Variants in ABI3BP observed in about 807,000 individuals in gnomAD.
The protein encoded by ABI3BP is ABI family member 3 binding protein, also known as target of Nesh-SH3.
ABI3BP carries 216 observed loss-of-function variants against 268.6 expected under a neutral mutation model. The ratio of observed to expected loss-of-function variants is 0.80; its 90% CI spans 0.72 to 0.90. The LOEUF is 0.90. ABI3BP is among the 40% of genes least tolerant of loss of function. The pLI is 0.00. For missense variants in ABI3BP, 2,090 were observed against 2,182.4 expected (o/e 0.96, Z 0.84); for synonymous variants, 730 against 730.0 (o/e 1.00, Z 0.00).
intron 28 of ABI3BP, 62 bp from the exon 29 acceptor site, chr3:100,834,835 C>T: frequency 2.1e-6 from 3 of 1,457,712 alleles, no homozygotes; most frequent in Non-Finnish European, 2.8e-6. Flanking sequence ...AAGGATTACA[C>T]ATGGTTCTAG....
chr3:100,755,016 A>G (rs1440262698), intron 63 of ABI3BP, among the ~76,000 whole-genome samples: 1 of 152,220 alleles, frequency 6.6e-6, no homozygotes, highest in African/African-American at 2.4e-5. Flanking sequence ...AATTCCAGTA[A>G]CAAGGAGCCT....
intron 51 of ABI3BP, among the ~76,000 whole-genome samples, chr3:100,797,562 G>GTTTTTTTTTTTTTT (rs575648416): frequency 7.7e-6 from 1 of 129,658 alleles, no homozygotes; most frequent in Non-Finnish European, 1.7e-5. Flanking sequence ...TGAAGAAACT[G>GTTTTTTTTTTTTTT]TTTTTTTTTT....
Position 100,793,205 on chromosome 3 carries a change from T to C in ABI3BP, c.3947-437A>G, listed in dbSNP as rs183915530. On this transcript the variant is annotated intron_variant, in intron 54 of 67. Transcript: ENST00000471714. ...ATATTTACATCACATAAAACAAATA[T>C]TCTATTTTTCTCATGTGAAAATCAG... 3.8e-3 allele frequency among the ~76,000 whole-genome samples: 581 copies of C among 152,084 alleles called. 2 individuals carry two copies. Among genetic ancestry groups the C allele is most frequent in the Non-Finnish European group, 6.9e-3 (472 of 67,924 alleles).
rs1293688816 is a variant in ABI3BP, at chr3:100,992,530, G to A, written c.79+776C>T. On this transcript the variant is annotated intron_variant, in intron 1 of 67. Coordinates refer to ENST00000471714, the MANE Select transcript of ABI3BP (RefSeq NM_001375547.2). ...CATAAAAAGCCTTCACAGACCTAGA[G>A]TTGGCTTAGAGAAGTGCCTCTGCAG... 2.6e-5 allele frequency among the ~76,000 whole-genome samples: 4 copies of A among 152,328 alleles called. No individual in the cohort carries two copies. In the East Asian group the frequency reaches 7.7e-4, roughly 29 times the overall value.
intron 10 of ABI3BP, among the ~76,000 whole-genome samples, chr3:100,866,382 G>A (rs60134476): frequency 0.043 from 6,495 of 152,244 alleles, 414 homozygotes; most frequent in East Asian, 0.15. Flanking sequence ...TTAATTCTTT[G>A]AAGGATTGTT....
At chr3:100,969,918 A>G (rs2082850995) in intron 1 of ABI3BP, among the ~76,000 whole-genome samples, 1 of 152,224 alleles carries the variant, frequency 6.6e-6, no homozygotes, top group Non-Finnish European at 1.5e-5. Context: ...AACAAGCTAC[A>G]CATATTCTAC....
chr3:100,944,503 G>A (rs2071150161), intron 1 of ABI3BP, among the ~76,000 whole-genome samples: 1 of 152,022 alleles, frequency 6.6e-6, no homozygotes, highest in African/African-American at 2.4e-5. Context: ...TATTTCTATT[G>A]CAAAACACTG....
intron 4 of ABI3BP, among the ~76,000 whole-genome samples, chr3:100,891,881 G>T (rs1269995901): frequency 6.6e-6 from 1 of 152,222 alleles, no homozygotes; most frequent in Non-Finnish European, 1.5e-5. Context: ...AGGTAGACAT[G>T]CATATGTGTA....
intron 4 of ABI3BP, among the ~76,000 whole-genome samples, chr3:100,894,706 A>G (rs372347883): frequency 9.9e-5 from 15 of 151,946 alleles, no homozygotes; most frequent in Non-Finnish European, 1.8e-4. Context: ...TTGGGAGGCC[A>G]AGGAGGGCAG....
intron 60 of ABI3BP, 58 bp downstream of exon 60, chr3:100,775,149 T>G: frequency 6.3e-7 from 1 of 1,576,824 alleles, no homozygotes; most frequent in East Asian, 2.3e-5. Context: ...CCACCAACAT[T>G]TAAAATCTTT....
chr3:100,811,940 A>G, intron 46 of ABI3BP, 141 bp from the exon 47 acceptor site: 1 of 666,542 alleles, frequency 1.5e-6, no homozygotes, highest in South Asian at 2.1e-5. Flanking sequence ...TAGGTAGATT[A>G]TGAAGATGAC....
At chr3:100,807,709 A>G (rs2097753270) in intron 50 of ABI3BP, among the ~76,000 whole-genome samples, 1 of 151,964 alleles carries the variant, frequency 6.6e-6, no homozygotes, top group Non-Finnish European at 1.5e-5. Flanking sequence ...TCCCCAGACT[A>G]GATTAGTGGT....
chr3:100,930,829 A>T (rs61491231), intron 1 of ABI3BP: 1 of 152,074 alleles, frequency 6.6e-6, no homozygotes. Context: ...GGACTCCTCC[A>T]TAACTCATTC....
rs538142836 is a variant in ABI3BP, at chr3:100,817,820, G to T, written c.3089-325C>A. 1.9e-4 allele frequency among the ~76,000 whole-genome samples: 29 copies of T among 152,306 alleles called. No individual in the cohort carries two copies. In the South Asian group the frequency reaches 5.8e-3, roughly 30 times the overall value. On this transcript the variant is annotated intron_variant, in intron 41 of 67. Coordinates refer to ENST00000471714, the MANE Select transcript of ABI3BP (RefSeq NM_001375547.2). ...ACTGTATTGAAAAAGGCGTTTATCA[G>T]TCTACTTGCACTTCTATAGAAGTTG...
At chr3:100,920,118 T>C (rs544581720) in intron 2 of ABI3BP, among the ~76,000 whole-genome samples, 45 of 152,318 alleles carry the variant, frequency 3.0e-4, no homozygotes, top group African/African-American at 4.1e-4. Context: ...TGCCTTTCAG[T>C]GACTAACAGC....
At chr3:100,877,568 T>A (rs1055475710) in intron 6 of ABI3BP, among the ~76,000 whole-genome samples, 3 of 152,020 alleles carry the variant, frequency 2.0e-5, no homozygotes, top group Non-Finnish European at 2.9e-5. Context: ...TAGGGATGGG[T>A]GCAGACTTTA....
intron 14 of ABI3BP, among the ~76,000 whole-genome samples, chr3:100,860,429 T>C (rs953799509): frequency 6.6e-6 from 1 of 152,240 alleles, no homozygotes; most frequent in Non-Finnish European, 1.5e-5. Context: ...GTGTAGCAGC[T>C]GAATAAAGAG....
At chr3:100,800,921 T>A (rs1424688456) in intron 51 of ABI3BP, among the ~76,000 whole-genome samples, 2 of 152,240 alleles carry the variant, frequency 1.3e-5, no homozygotes, top group Non-Finnish European at 1.5e-5. Context: ...TTTTCTGTTA[T>A]TTCATTTTTT....
intron 2 of ABI3BP, among the ~76,000 whole-genome samples, chr3:100,921,915 G>C (rs2060343833): frequency 6.6e-6 from 1 of 152,150 alleles, no homozygotes; most frequent in Non-Finnish European, 1.5e-5. Flanking sequence ...TCAATTCAAT[G>C]GTAAAATGAA....
Sources: gnomAD v4.1 joint callset for allele counts (sites outside exome capture counted in the v4.1 genomes callset) on GRCh38, gnomAD v4.1.1 for gene constraint, MANE v1.5 for transcripts, NCBI Gene and HGNC (gene_info 2026-07-23, HGNC 2026-07-21) for gene names.